The following USP32 variants were observed in gnomAD, a reference collection of about 807,000 sequenced individuals.
USP32 encodes ubiquitin specific peptidase 32, also known as ubiquitin carboxyl-terminal hydrolase 32.
In USP32, 59 loss-of-function variants were observed where a neutral mutation model predicts 204.8. That is an observed-to-expected ratio of 0.29 (90% CI 0.23 to 0.36). The LOEUF (loss-of-function observed/expected upper bound fraction) is 0.36. USP32 is among the 10% of genes least tolerant of loss of function. USP32 has a pLI of 1.00. For missense variants in USP32, 1,160 were observed against 1,946.4 expected (o/e 0.60, Z 7.60); for synonymous variants, 517 against 678.4 (o/e 0.76, Z 3.70).
At chr17:60,367,130 G>A (rs892959794) in intron 1 of USP32, among the ~76,000 whole-genome samples, 5 of 152,120 alleles carry the variant, frequency 3.3e-5, no homozygotes, top group African/African-American at 9.7e-5. Flanking sequence ...CCTAGCCTAA[G>A]CCCACTTTTG....
At chr17:60,365,189 A>G (rs1276147211) in intron 1 of USP32, among the ~76,000 whole-genome samples, 1 of 152,132 alleles carries the variant, frequency 6.6e-6, no homozygotes, top group Non-Finnish European at 1.5e-5. Flanking sequence ...TTTAAAAATG[A>G]CCATGTTTTA....
intron 27 of USP32, 151 bp from the exon 28 acceptor site, chr17:60,193,081 T>C (rs1206881976): frequency 1.5e-5 from 12 of 776,534 alleles, no homozygotes; most frequent in Admixed American, 4.9e-5. Context: ...CCCTAATCCA[T>C]TAGCTGCAGC....
rs1304530872 is a variant in USP32, at chr17:60,271,431, C to A, written c.622G>T (p.Ala208Ser). 1.2e-6 allele frequency: 2 copies of A among 1,613,980 alleles called. No individual in the cohort carries two copies. Among genetic ancestry groups the A allele is most frequent in the Non-Finnish European group, 1.7e-6 (2 of 1,180,016 alleles). ...DLEKRYWLLK[A>S]QSRTGRFDLE... ...TCAAATCGTCCAGTCCGGGATTGAGCCTTCAATAACCAATAGCGTTTCTCA... is the reference window on the plus strand; with the variant it reads ...TCAAATCGTCCAGTCCGGGATTGAGACTTCAATAACCAATAGCGTTTCTCA... The change falls in exon 6 of 34, where the codon GCT becomes TCT. Residue 208 changes from alanine to serine, a missense_variant. Coordinates refer to ENST00000300896, the MANE Select transcript of USP32 (RefSeq NM_032582.4).
At chr17:60,251,998 A>T (rs2086181973) in intron 11 of USP32, among the ~76,000 whole-genome samples, 2 of 152,020 alleles carry the variant, frequency 1.3e-5, no homozygotes, top group African/African-American at 2.4e-5. Flanking sequence ...ATATGTTTAT[A>T]TGAATATTAA....
intron 9 of USP32, among the ~76,000 whole-genome samples, chr17:60,256,433 G>GT (rs1224277281): frequency 6.6e-5 from 10 of 151,802 alleles, no homozygotes; most frequent in East Asian, 1.9e-4. Flanking sequence ...TAAGGTTTTT[G>GT]TTTTTTTTCC....
chr17:60,315,172 C>T (rs765421340), intron 2 of USP32, among the ~76,000 whole-genome samples: 11 of 152,148 alleles, frequency 7.2e-5, no homozygotes, highest in Middle Eastern at 3.4e-3. Context: ...CCGAGGTGGG[C>T]GGAATGCCTG....
At position 60,377,351 on chromosome 17, in the gene USP32, A is replaced by T. The variant is rs183265159; in HGVS notation, c.58+14531T>A. 1.6e-4 allele frequency among the ~76,000 whole-genome samples: 24 copies of T among 152,364 alleles called. 1 individual carries two copies. In the East Asian group the frequency reaches 2.1e-3, roughly 13 times the overall value. On this transcript the variant is annotated intron_variant, in intron 1 of 33. Coordinates refer to ENST00000300896, the MANE Select transcript of USP32 (RefSeq NM_032582.4). Reference sequence around the variant, plus strand: ...TTTAAAAATATAGCATTTCATTTTTAAAAGTGCCTACAAAAGCAGAAGATT... The same window carrying T: ...TTTAAAAATATAGCATTTCATTTTTTAAAGTGCCTACAAAAGCAGAAGATT...
At chr17:60,229,937 C>T (rs899638746) in intron 12 of USP32, among the ~76,000 whole-genome samples, 5 of 152,106 alleles carry the variant, frequency 3.3e-5, no homozygotes, top group Admixed American at 6.6e-5. Flanking sequence ...CCTCAGCCTC[C>T]GGAGTAGCTG....
intron 2 of USP32, among the ~76,000 whole-genome samples, chr17:60,336,573 G>A (rs2088522527): frequency 1.4e-5 from 2 of 143,494 alleles, no homozygotes; most frequent in African/African-American, 2.9e-5. Context: ...AAAATTAGCC[G>A]GGCGTAGTGG....
rs1207193071 is a variant in USP32 at position 60,236,150 on chromosome 17, T to C, written c.1227A>G (p.Glu409=). 5 of 1,613,784 alleles carry C rather than the reference T, an allele frequency of 3.1e-6. No individual in the cohort carries two copies. Among genetic ancestry groups the C allele is most frequent in the Non-Finnish European group, 4.2e-6 (5 of 1,179,726 alleles). Residue 409 remains glutamate, a synonymous_variant, in exon 12 of 34, where the codon GAA becomes GAG. Coordinates refer to ENST00000300896, the MANE Select transcript of USP32 (RefSeq NM_032582.4). ...ISMQWWQQWK[E]YVKYDANPVV... is the part of the protein sequence containing the mutation. Reference sequence around the variant, plus strand: ...GAATCTAACTCACGTATTTGACATATTCTTTCCACTGTTGCCACCACTGCA... The same window carrying C: ...GAATCTAACTCACGTATTTGACATACTCTTTCCACTGTTGCCACCACTGCA...
intron 8 of USP32, among the ~76,000 whole-genome samples, 162 bp downstream of exon 8, chr17:60,265,814 A>G (rs2086576577): frequency 6.6e-6 from 1 of 152,176 alleles, no homozygotes; most frequent in Admixed American, 6.5e-5. Context: ...TCTAAGCCAA[A>G]CTCTCTTTCC....
intron 1 of USP32, among the ~76,000 whole-genome samples, chr17:60,347,950 G>A (rs774658790): frequency 3.5e-4 from 53 of 151,802 alleles, no homozygotes; most frequent in Non-Finnish European, 4.9e-4. Context: ...ATGAAACCCC[G>A]TCTCTACTAA....
At chr17:60,302,906 C>T (rs8071542) in intron 2 of USP32, among the ~76,000 whole-genome samples, 10,232 of 152,220 alleles carry the variant, frequency 0.067, 1,212 homozygotes, top group African/African-American at 0.23. Flanking sequence ...AATAAATTCA[C>T]TCATTCAACA....
At chr17:60,205,721 T>G in intron 25 of USP32, 63 bp from the exon 26 acceptor site, 1 of 1,518,470 alleles carries the variant, frequency 6.6e-7, no homozygotes, top group Non-Finnish European at 9.0e-7. Context: ...TGCTCTTTTC[T>G]CAAGTATCCT....
chr17:60,388,697 A>G (rs1246299103), intron 1 of USP32, among the ~76,000 whole-genome samples: 2 of 152,208 alleles, frequency 1.3e-5, no homozygotes, highest in Non-Finnish European at 2.9e-5. Context: ...GATTCAAGCC[A>G]AAAAATAAAA....
intron 29 of USP32, among the ~76,000 whole-genome samples, chr17:60,187,333 T>C (rs2084276189): frequency 6.6e-6 from 1 of 152,222 alleles, no homozygotes; most frequent in African/African-American, 2.4e-5. Context: ...GAAAATTCTT[T>C]TTTTAGAAAA....
intron 2 of USP32, among the ~76,000 whole-genome samples, chr17:60,333,553 T>C (rs1226335096): frequency 6.6e-6 from 1 of 151,942 alleles, no homozygotes; most frequent in Non-Finnish European, 1.5e-5. Flanking sequence ...TGAGCCAAGA[T>C]TGTGCCACTG....
intron 12 of USP32, among the ~76,000 whole-genome samples, chr17:60,234,159 G>C (rs1297852109): frequency 1.3e-5 from 2 of 151,124 alleles, no homozygotes; most frequent in Non-Finnish European, 3.0e-5. Context: ...TGTCGCCCAG[G>C]CTGGAGTGCA....
At position 60,271,390 on chromosome 17, in the gene USP32, G is replaced by A; in HGVS notation, c.663C>T (p.Gly221=). 1 of 1,614,096 alleles carries A rather than the reference G, an allele frequency of 6.2e-7. No homozygotes were observed. Among genetic ancestry groups the A allele is most frequent in the East Asian group, 2.2e-5 (1 of 44,860 alleles). Reference sequence around the variant, plus strand: ...GACGAATAGGTGGTGAAACCAATGGGCCAAATGTCTCTAAATCAAATCGTC... The same window carrying A: ...GACGAATAGGTGGTGAAACCAATGGACCAAATGTCTCTAAATCAAATCGTC... ...RTGRFDLETF[G]PLVSPPIRPS... The change falls in exon 6 of 34, where the codon GGC becomes GGT. Residue 221 remains glycine, a synonymous_variant. Transcript: ENST00000300896.
Sources: gnomAD v4.1 joint callset for allele counts (sites outside exome capture counted in the v4.1 genomes callset) on GRCh38, gnomAD v4.1.1 for gene constraint, MANE v1.5 for transcripts, NCBI Gene and HGNC (gene_info 2026-07-23, HGNC 2026-07-21) for gene names.